The following HSDL1 variants were observed in gnomAD, a reference collection of about 807,000 sequenced individuals.
The protein encoded by HSDL1 is inactive hydroxysteroid dehydrogenase-like protein 1.
In HSDL1, 29 loss-of-function variants were observed where a neutral mutation model predicts 31.5. The observed-to-expected ratio is 0.92, with a 90% CI of 0.69 to 1.26. The LOEUF is 1.26. Among genes scored for constraint, HSDL1 ranks in the 50% most tolerant of loss-of-function variants. The pLI, the probability that HSDL1 is intolerant of heterozygous loss-of-function variation, is 0.00. For missense variants in HSDL1, 503 were observed against 416.6 expected (o/e 1.21, Z -1.81); for synonymous variants, 222 against 155.2 (o/e 1.43, Z -3.20).
chr16:84,140,290 A>G (rs1178252757), intron 1 of HSDL1, among the ~76,000 whole-genome samples: 1 of 152,176 alleles, frequency 6.6e-6, no homozygotes, highest in African/African-American at 2.4e-5. Flanking sequence ...TTTTAGGCCG[A>G]GTCTTGTTCT....
At chr16:84,141,039 G>A (rs560907902) in intron 1 of HSDL1, among the ~76,000 whole-genome samples, 24 of 149,870 alleles carry the variant, frequency 1.6e-4, no homozygotes, top group African/African-American at 4.8e-4. Flanking sequence ...TGCAGTGAGC[G>A]GAGATCGCGC....
chr16:84,126,475 C>T (rs190780664), intron 5 of HSDL1, among the ~76,000 whole-genome samples: 22 of 152,244 alleles, frequency 1.4e-4, no homozygotes, highest in African/African-American at 4.8e-4. Context: ...CTACAATACA[C>T]AGGACGCTCC....
rs140641374 is a variant in HSDL1, at chr16:84,141,593, A to T, written c.-69+3487T>A. Reference sequence around the variant, plus strand: ...ATTCCACTGCCAAATGCTTTTGCAAAGCGGCAGAACCCATTCACACTCCCG... The same window carrying T: ...ATTCCACTGCCAAATGCTTTTGCAATGCGGCAGAACCCATTCACACTCCCG... On this transcript the variant is annotated intron_variant, in intron 1 of 5. Coordinates refer to ENST00000219439, the MANE Select transcript of HSDL1 (RefSeq NM_031463.5). 4.1e-4 allele frequency among the ~76,000 whole-genome samples: 62 copies of T among 152,344 alleles called. 1 individual carries two copies. In the East Asian group the frequency reaches 0.011, roughly 27 times the overall value.
intron 3 of HSDL1, 166 bp downstream of exon 3, chr16:84,130,936 A>G (rs2086658094): frequency 1.6e-6 from 1 of 630,994 alleles, no homozygotes; most frequent in African/African-American, 1.8e-5. Flanking sequence ...TCTTCCTAAG[A>G]TGAGAGCAGT....
At chr16:84,129,307 G>A (rs2086638240) in intron 5 of HSDL1, among the ~76,000 whole-genome samples, 5 of 152,022 alleles carry the variant, frequency 3.3e-5, no homozygotes, top group Admixed American at 3.3e-4. Flanking sequence ...ATGAACCCGG[G>A]AGGCGGAGCT....
At chr16:84,136,799 C>G (rs914134022) in intron 1 of HSDL1, among the ~76,000 whole-genome samples, 1 of 152,224 alleles carries the variant, frequency 6.6e-6, no homozygotes, top group Admixed American at 6.5e-5. Context: ...TTAAAAATCA[C>G]AGAGCATCAG....
rs935726800 is a variant in HSDL1 at position 84,124,026 on chromosome 16, A to G, written c.*604T>C. 3.3e-5 allele frequency: 5 copies of G among 152,438 alleles called. No homozygotes were observed. Among genetic ancestry groups the G allele is most frequent in the African/African-American group, 1.2e-4 (5 of 41,454 alleles). The allele number at this position is 152,438 out of a possible 1,614,324, so 9.4% of individuals were successfully genotyped here. A position where few individuals can be genotyped will look rare whatever the true frequency, so the allele number is the denominator to read the frequency against. On this transcript the variant is annotated 3_prime_UTR_variant, in exon 6 of 6. Transcript: ENST00000219439. ...CACCCTGACAAAAAATCTTTTTAAA[A>G]ATATGGTAACCATAAATAAAGTTGC...
rs1164708039 is a variant in HSDL1, at chr16:84,124,491, G to C, written c.*139C>G. 1 of 626,598 alleles carries C rather than the reference G, an allele frequency of 1.6e-6. No individual in the cohort carries two copies. The highest frequency in any genetic ancestry group is 2.9e-5 in the East Asian group (1 of 34,326). 38.8% of individuals were successfully genotyped at this position (626,598 alleles called of 1,614,324 possible). A position where few individuals can be genotyped will look rare whatever the true frequency, so the allele number is the denominator to read the frequency against. On this transcript the variant is annotated 3_prime_UTR_variant, in exon 6 of 6. Transcript: ENST00000219439. ...TCACAGCACTCTGACGGTATTATGTGTGTTTTGCAAATGACGAATCAACAG... is the reference window on the plus strand; with the variant it reads ...TCACAGCACTCTGACGGTATTATGTCTGTTTTGCAAATGACGAATCAACAG...
rs772747847 is a variant in HSDL1, at chr16:84,131,345, G to A, written c.-6-18C>T. 1 of 1,526,248 alleles carries A rather than the reference G, an allele frequency of 6.6e-7. No individual in the cohort carries two copies. The highest frequency in any genetic ancestry group is 9.1e-7 in the Non-Finnish European group (1 of 1,100,974). 94.5% of individuals were successfully genotyped at this position (1,526,248 alleles called of 1,614,324 possible). On this transcript the variant is annotated intron_variant, in intron 2 of 5. Coordinates refer to ENST00000219439, the MANE Select transcript of HSDL1 (RefSeq NM_031463.5). ...ATGGCAACCTGCAGGGAGAGGGAAAGAGAGAGAGCCTCTTTGATTAATAAA... is the reference window on the plus strand; with the variant it reads ...ATGGCAACCTGCAGGGAGAGGGAAAAAGAGAGAGCCTCTTTGATTAATAAA...
chr16:84,126,756 G>A (rs114712391), intron 5 of HSDL1, among the ~76,000 whole-genome samples: 5 of 151,378 alleles, frequency 3.3e-5, no homozygotes, highest in African/African-American at 1.2e-4. Flanking sequence ...ACACACTCAC[G>A]CACTTTGTGA....
In HSDL1 at chr16:84,145,167, C is replaced by G. The variant is rs959798069; in HGVS notation, c.-156G>C. 1 of 248,912 alleles carries G rather than the reference C, an allele frequency of 4.0e-6. No individual in the cohort carries two copies. Among genetic ancestry groups the G allele is most frequent in the African/African-American group, 2.3e-5 (1 of 44,128 alleles). The allele number at this position is 248,912 out of a possible 1,614,324, so 15.4% of individuals were successfully genotyped here. ...TCGGCCGCCGGAGCTGCTGCCGCGC[C>G]GCGCCCTCACGTGACCCGCGTACGC... On this transcript the variant is annotated 5_prime_UTR_variant, in exon 1 of 6. Coordinates refer to ENST00000219439, the MANE Select transcript of HSDL1 (RefSeq NM_031463.5).
chr16:84,133,507 A>G (rs976100433), intron 2 of HSDL1, among the ~76,000 whole-genome samples: 1 of 152,178 alleles, frequency 6.6e-6, no homozygotes, highest in African/African-American at 2.4e-5. Flanking sequence ...TTGGGAGGCC[A>G]AGGCAGGTGG....
intron 3 of HSDL1, 54 bp from the exon 4 acceptor site, chr16:84,130,485 A>C: frequency 6.9e-7 from 1 of 1,440,974 alleles, no homozygotes; most frequent in Non-Finnish European, 9.5e-7. Flanking sequence ...GTGACCCTTA[A>C]AATGGACCCA....
At position 84,131,085 on chromosome 16, in the gene HSDL1, A is replaced by T. The variant is rs1270915791; in HGVS notation, c.220+17T>A. The T allele has an allele frequency of 1.0e-5, 16 of 1,575,722 alleles. No homozygotes were observed. The Admixed American group carries it at 2.8e-4, about 27-fold the overall frequency. On this transcript the variant is annotated intron_variant, in intron 3 of 5. Transcript: ENST00000219439. ...CGACTTCACAGAAAAGATTATTTTG[A>T]TTATAAAGTAGGTTACCGCTGACAA...
rs1482357887 is a variant in HSDL1, at chr16:84,122,544, G to C, written c.*2086C>G. The stretch of plus-strand genomic sequence containing the variant: ...GGCTAATTTTTGTATTTTTTGTAGA[G>C]ACAGGATGTGTTCCCCAGGCTGGTC... On this transcript the variant is annotated 3_prime_UTR_variant, in exon 6 of 6. Transcript: ENST00000219439. 6.6e-6 allele frequency: 1 copy of C among 152,066 alleles called. No homozygotes were observed. The highest frequency in any genetic ancestry group is 1.5e-5 in the Non-Finnish European group (1 of 68,032). 9.4% of individuals were successfully genotyped at this position (152,066 alleles called of 1,614,324 possible).
In HSDL1 at chr16:84,123,617, T is replaced by A. The variant is rs973237247; in HGVS notation, c.*1013A>T. 7 of 152,632 alleles carry A rather than the reference T, an allele frequency of 4.6e-5. No individual in the cohort carries two copies. The highest frequency in any genetic ancestry group is 1.7e-4 in the African/African-American group (7 of 41,454). 9.5% of individuals were successfully genotyped at this position (152,632 alleles called of 1,614,324 possible). On this transcript the variant is annotated 3_prime_UTR_variant, in exon 6 of 6. Transcript: ENST00000219439. The stretch of plus-strand genomic sequence containing the variant: ...ACAGATATGTCACACACGTAATTTG[T>A]CCATATTTTACTATTCCATAAATAC...
intron 1 of HSDL1, among the ~76,000 whole-genome samples, chr16:84,142,917 G>C (rs2086781838): frequency 6.6e-6 from 1 of 152,138 alleles, no homozygotes; most frequent in South Asian, 2.1e-4. Context: ...AAGACTTTTT[G>C]GGATGTCTTT....
intron 4 of HSDL1, 43 bp downstream of exon 4, chr16:84,129,943 T>A (rs542756707): frequency 5.7e-6 from 9 of 1,574,820 alleles, no homozygotes; most frequent in Non-Finnish European, 7.8e-6. Context: ...TAATAAATGT[T>A]CTGTGGCATT....
intron 5 of HSDL1, chr16:84,124,929 C>T: frequency 2.2e-6 from 1 of 447,376 alleles, no homozygotes; most frequent in Non-Finnish European, 4.1e-6. Context: ...ACCCACCAAT[C>T]ACAACAAATA....
Sources: allele counts gnomAD v4.1 joint callset (sites outside exome capture counted in the v4.1 genomes callset), GRCh38; gene constraint gnomAD v4.1.1; transcripts MANE v1.5; gene names NCBI Gene and HGNC (gene_info 2026-07-23, HGNC 2026-07-21).